ASXL3: variants seen among roughly 807,000 people sequenced by gnomAD.
ASXL3 encodes the protein ASXL transcriptional regulator 3.
Under a neutral mutation model 170.6 loss-of-function variants are expected in ASXL3, and 34 were observed. That is an observed-to-expected ratio of 0.20 (90% CI 0.15 to 0.27). ASXL3 has a LOEUF of 0.27. Ranked by LOEUF, ASXL3 falls within the 10% of genes least tolerant of loss-of-function variation. The pLI is 1.00. For synonymous variants in ASXL3, 1,002 were observed against 989.1 expected, an observed-to-expected ratio of 1.01 and a Z score of -0.24; for missense variants, 2,592 against 2,695.3, an observed-to-expected ratio of 0.96 and a Z score of 0.85.
chr18:33,725,415 G>A (rs1398344330), intron 8 of ASXL3, among the ~76,000 whole-genome samples: 2 of 152,018 alleles, frequency 1.3e-5, no homozygotes, highest in Admixed American at 6.6e-5. Context: ...CACTTGCTCC[G>A]ATTTTCTTCC....
At chr18:33,580,199 T>G (rs1352652698) in intron 1 of ASXL3, among the ~76,000 whole-genome samples, 1 of 152,228 alleles carries the variant, frequency 6.6e-6, no homozygotes, top group Non-Finnish European at 1.5e-5. Flanking sequence ...AATGGGCAGG[T>G]GATAGTGATT....
chr18:33,683,490 A>T lies in ASXL3; in HGVS notation c.801A>T (p.Ile267=). 6.2e-7 allele frequency: 1 copy of T among 1,613,668 alleles called. No homozygotes were observed. The highest frequency in any genetic ancestry group is 1.7e-4 in the Middle Eastern group (1 of 6,060). Residue 267 remains isoleucine, a synonymous_variant, in exon 8 of 12, where the codon ATA becomes ATT. Transcript: ENST00000269197. The part of the protein sequence containing the change: ...ILVNTNLRAL[I]NKHTFASLPQ... ...TCAACACTAACTTGAGGGCATTAAT[A>T]AATAAACATACGTTTGCTTCCTTAC...
At chr18:33,652,328 C>G (rs894503811) in intron 4 of ASXL3, among the ~76,000 whole-genome samples, 1 of 151,792 alleles carries the variant, frequency 6.6e-6, no homozygotes, top group African/African-American at 2.4e-5. Context: ...TGAGATGATA[C>G]CATCAGTAGA....
chr18:33,651,988 G>A (rs541920037), intron 4 of ASXL3, among the ~76,000 whole-genome samples: 4 of 152,114 alleles, frequency 2.6e-5, no homozygotes, highest in South Asian at 2.1e-4. Flanking sequence ...GACTTCTGAA[G>A]AGTTTCTCAA....
intron 2 of ASXL3, among the ~76,000 whole-genome samples, chr18:33,641,974 G>T (rs892768986): frequency 6.6e-6 from 1 of 151,800 alleles, no homozygotes; most frequent in Non-Finnish European, 1.5e-5. Flanking sequence ...AAATTTTGTT[G>T]AATAAATTAA....
chr18:33,647,425 A>G (rs911702573), intron 4 of ASXL3, among the ~76,000 whole-genome samples: 3 of 152,090 alleles, frequency 2.0e-5, no homozygotes, highest in African/African-American at 7.2e-5. Flanking sequence ...TTTACTTTTC[A>G]TGTGACTTGT....
At chr18:33,728,967 A>C (rs2067396271) in intron 8 of ASXL3, among the ~76,000 whole-genome samples, 1 of 152,164 alleles carries the variant, frequency 6.6e-6, no homozygotes, top group Non-Finnish European at 1.5e-5. Flanking sequence ...ATACATATGC[A>C]TGAGTAAACT....
At position 33,743,638 on chromosome 18, in the gene ASXL3, C is replaced by T. The variant is rs770050296; in HGVS notation, c.3790C>T (p.Leu1264=). 40 of 1,613,680 alleles carry T rather than the reference C, an allele frequency of 2.5e-5. No individual in the cohort carries two copies. Among genetic ancestry groups the T allele is most frequent in the Non-Finnish European group, 3.0e-5 (35 of 1,179,870 alleles). Residue 1264 remains leucine (L), a synonymous_variant, in exon 12 of 12, where the codon CTA becomes TTA. Transcript: ENST00000269197. ...GAGTTCTGTTGATAAATCCTCTGTCCTAATGTCTGTTGACAGTGCAAACAC... is the reference window on the plus strand; with the variant it reads ...GAGTTCTGTTGATAAATCCTCTGTCTTAATGTCTGTTGACAGTGCAAACAC... ...FVSSVDKSSV[L]MSVDSANTTI...
chr18:33,591,798 C>T (rs1402791659), intron 1 of ASXL3, among the ~76,000 whole-genome samples: 3 of 152,016 alleles, frequency 2.0e-5, no homozygotes, highest in Non-Finnish European at 2.9e-5. Flanking sequence ...ACCACCACCA[C>T]GCCCAGCTAC....
intron 2 of ASXL3, among the ~76,000 whole-genome samples, chr18:33,611,568 A>G (rs2065337299): frequency 6.6e-6 from 1 of 152,082 alleles, no homozygotes. Context: ...TCATATAATC[A>G]AATGGCCATG....
chr18:33,627,154 T>G (rs1268789118), intron 2 of ASXL3: 2 of 152,286 alleles, frequency 1.3e-5, no homozygotes, highest in Non-Finnish European at 2.9e-5. Flanking sequence ...CTCATTCCCC[T>G]GTCATTTAGT....
chr18:33,740,008 C>T lies in ASXL3; in HGVS notation c.2604C>T (p.Val868=), dbSNP rs2067629517. The change falls in exon 11 of 12, where the codon GTC becomes GTT. Residue 868 remains valine (V), a synonymous_variant. Coordinates refer to ENST00000269197, the MANE Select transcript of ASXL3 (RefSeq NM_030632.3). ...TGATAAAAGTTAAAAATCATAGCGTCCTGCAAAGAACAGAAAAAAAAGTGT... is the reference window on the plus strand; with the variant it reads ...TGATAAAAGTTAAAAATCATAGCGTTCTGCAAAGAACAGAAAAAAAAGTGT... ...TEMIKVKNHS[V]LQRTEKKVLP... The T allele has an allele frequency of 6.2e-7, 1 of 1,613,688 alleles. No individual in the cohort carries two copies. Among genetic ancestry groups the T allele is most frequent in the African/African-American group, 1.3e-5 (1 of 74,870 alleles).
intron 8 of ASXL3, among the ~76,000 whole-genome samples, chr18:33,686,484 A>C (rs1981359): frequency 0.56 from 85,175 of 152,054 alleles, 24,478 homozygotes; most frequent in East Asian, 0.9. Context: ...GTATTGGAGA[A>C]GATTTTTATA....
In ASXL3 at chr18:33,578,627, C is replaced by G; in HGVS notation, c.-5C>G. On this transcript the variant is annotated 5_prime_UTR_variant, in exon 1 of 12. Transcript: ENST00000269197. ...CATCATCAGAACCATCAATGAGATG[C>G]AAACATGAAAGACAAGAGGAAGAAG... 1 of 1,346,962 alleles carries G rather than the reference C, an allele frequency of 7.4e-7. No homozygotes were observed. The highest frequency in any genetic ancestry group is 9.8e-7 in the Non-Finnish European group (1 of 1,022,688). The allele number at this position is 1,346,962 out of a possible 1,614,324, so 83.4% of individuals were successfully genotyped here. A position where few individuals can be genotyped will look rare whatever the true frequency, so the allele number is the denominator to read the frequency against.
At chr18:33,714,223 T>C (rs1437271370) in intron 8 of ASXL3, among the ~76,000 whole-genome samples, 2 of 152,214 alleles carry the variant, frequency 1.3e-5, no homozygotes, top group Admixed American at 6.5e-5. Flanking sequence ...GAAGAAAACA[T>C]TTAAACTCTG....
At chr18:33,592,005 A>C (rs1372078118) in intron 1 of ASXL3, among the ~76,000 whole-genome samples, 1 of 151,750 alleles carries the variant, frequency 6.6e-6, no homozygotes, top group African/African-American at 2.4e-5. Context: ...AGTTAAACAC[A>C]TTTTTCCTTT....
At chr18:33,638,199 A>G (rs1368526236) in intron 2 of ASXL3, among the ~76,000 whole-genome samples, 1 of 149,990 alleles carries the variant, frequency 6.7e-6, no homozygotes, top group Non-Finnish European at 1.5e-5. Flanking sequence ...TATATATCTT[A>G]TTTATGATAT....
intron 8 of ASXL3, among the ~76,000 whole-genome samples, chr18:33,722,432 T>C (rs2067278281): frequency 6.6e-6 from 1 of 152,132 alleles, no homozygotes; most frequent in African/African-American, 2.4e-5. Context: ...ACCTTTATTG[T>C]TGATATGGAG....
Position 33,739,332 on chromosome 18 carries a change from C to T in ASXL3, c.1928C>T (p.Ala643Val), listed in dbSNP as rs1186777989. 3 of 1,613,464 alleles carry T rather than the reference C, an allele frequency of 1.9e-6. No homozygotes were observed. The highest frequency in any genetic ancestry group is 1.7e-5 in the Admixed American group (1 of 59,896). Residue 643 changes from alanine to valine, a missense_variant, in exon 11 of 12, where the codon GCC becomes GTC. By Grantham distance (64) the Ala-to-Val change is moderately conservative. Transcript: ENST00000269197. ...QSTSEESCTP[A>V]SLETTFCSEV... ...ACATCAGAAGAATCATGTACTCCAGCCTCCCTTGAGACAACATTTTGTTCT... is the reference window on the plus strand; with the variant it reads ...ACATCAGAAGAATCATGTACTCCAGTCTCCCTTGAGACAACATTTTGTTCT...
Sources: gnomAD v4.1 joint callset for allele counts (sites outside exome capture counted in the v4.1 genomes callset) on GRCh38, gnomAD v4.1.1 for gene constraint, MANE v1.5 for transcripts, NCBI Gene and HGNC (gene_info 2026-07-23, HGNC 2026-07-21) for gene names.